The following SDHAF4 variants were observed in gnomAD, a reference collection of about 807,000 sequenced individuals.
SDHAF4 encodes the protein succinate dehydrogenase assembly factor 4, mitochondrial.
In SDHAF4, 14 loss-of-function variants were observed where a neutral mutation model predicts 14.3. The ratio of observed to expected loss-of-function variants is 0.98; its 90% CI spans 0.65 to 1.53. The LOEUF (loss-of-function observed/expected upper bound fraction) is 1.53. Among genes scored for constraint, SDHAF4 ranks in the 40% most tolerant of loss-of-function variants. SDHAF4 has a pLI of 0.00. For synonymous variants in SDHAF4, 63 were observed against 47.3 expected (o/e 1.33, Z -1.36); for missense variants, 141 against 129.3 (o/e 1.09, Z -0.44).
chr6:70,596,053 A>C, the SDHAF4 span, among the ~76,000 whole-genome samples: 3 of 152,188 alleles, frequency 2.0e-5, no homozygotes, highest in African/African-American at 7.2e-5. Context: ...TACAGTATCA[A>C]ATATATAGGT....
chr6:70,595,922 A>G, the SDHAF4 span, among the ~76,000 whole-genome samples: 10 of 152,138 alleles, frequency 6.6e-5, no homozygotes, highest in Admixed American at 5.2e-4. Context: ...TACACTAACT[A>G]TCATGATGTG....
intron 1 of SDHAF4, among the ~76,000 whole-genome samples, chr6:70,571,612 C>T (rs937034291): frequency 6.6e-6 from 1 of 152,196 alleles, no homozygotes; most frequent in Non-Finnish European, 1.5e-5. Context: ...CGCGCCCAGC[C>T]TTCCCTGGTT....
At chr6:70,577,930 C>T (rs1470080588) in intron 1 of SDHAF4, among the ~76,000 whole-genome samples, 1 of 152,172 alleles carries the variant, frequency 6.6e-6, no homozygotes, top group Non-Finnish European at 1.5e-5. Flanking sequence ...CATAGTATTC[C>T]ATGGTATATA....
chr6:70,594,514 A>G (rs916050744), downstream of SDHAF4, among the ~76,000 whole-genome samples: 11 of 152,208 alleles, frequency 7.2e-5, no homozygotes, highest in Non-Finnish European at 1.5e-4. Context: ...GTGATGCCTC[A>G]GGACTCTATA....
chr6:70,575,999 T>C (rs919567073), intron 1 of SDHAF4, among the ~76,000 whole-genome samples: 6 of 152,226 alleles, frequency 3.9e-5, no homozygotes, highest in Non-Finnish European at 8.8e-5. Flanking sequence ...ACAGTTACTA[T>C]TGCTCAACAC....
chr6:70,576,961 G>A (rs1470084362), intron 1 of SDHAF4, among the ~76,000 whole-genome samples: 1 of 152,180 alleles, frequency 6.6e-6, no homozygotes, highest in Non-Finnish European at 1.5e-5. Flanking sequence ...GAGTCTGGAA[G>A]GGGTCTCACT....
intron 1 of SDHAF4, among the ~76,000 whole-genome samples, chr6:70,577,347 T>C (rs112702166): frequency 3.2e-4 from 49 of 151,128 alleles, no homozygotes; most frequent in African/African-American, 1.1e-3. Context: ...CTAGAACTTG[T>C]ACTCAAATTG....
At chr6:70,576,229 A>C (rs1011068983) in intron 1 of SDHAF4, among the ~76,000 whole-genome samples, 4 of 152,236 alleles carry the variant, frequency 2.6e-5, no homozygotes, top group Non-Finnish European at 5.9e-5. Flanking sequence ...TACAGAAATG[A>C]GGGGCATTAT....
At chr6:70,568,973 T>G (rs1228969712) in intron 1 of SDHAF4, among the ~76,000 whole-genome samples, 1 of 141,726 alleles carries the variant, frequency 7.1e-6, no homozygotes, top group Admixed American at 7.0e-5. Flanking sequence ...TTTTTTTTTT[T>G]TTTTTTTTTT....
At chr6:70,589,808 T>C (rs943983975), downstream of SDHAF4, among the ~76,000 whole-genome samples, 4 of 152,174 alleles carry the variant, frequency 2.6e-5, no homozygotes, top group African/African-American at 9.7e-5. Context: ...TTGGAGATAA[T>C]AATACTTTTG....
chr6:70,597,299 AT>A, the SDHAF4 span, among the ~76,000 whole-genome samples: 341 of 108,076 alleles, frequency 3.2e-3, 3 homozygotes, highest in Middle Eastern at 0.011. Flanking sequence ...CGCCTGGCTA[AT>A]TTTTTTTTTT....
chr6:70,581,807 G>A (rs1312960047), intron 2 of SDHAF4, among the ~76,000 whole-genome samples: 1 of 152,034 alleles, frequency 6.6e-6, no homozygotes, highest in Non-Finnish European at 1.5e-5. Flanking sequence ...ATGAGGTCTT[G>A]CCATGTTACC....
chr6:70,589,901 G>A (rs1226520028), downstream of SDHAF4, among the ~76,000 whole-genome samples: 2 of 152,188 alleles, frequency 1.3e-5, no homozygotes, highest in Non-Finnish European at 2.9e-5. Flanking sequence ...ACCATCATGA[G>A]AAGAAATTCA....
Position 70,588,602 on chromosome 6 carries a change from T to C in SDHAF4, c.218-13T>C. On this transcript the variant is annotated splice_polypyrimidine_tract_variant and intron_variant, in intron 2 of 2. Coordinates refer to ENST00000370474, the MANE Select transcript of SDHAF4 (RefSeq NM_145267.3). ...CTCCATTAACTGCTTTATTTATATC[T>C]CGTTTTCCTTAGAATTTCCAGATGA... is the stretch of plus-strand genomic sequence containing the variant. The C allele has an allele frequency of 2.0e-6, 3 of 1,474,550 alleles. No homozygotes were observed. The South Asian group carries it at 3.6e-5, about 18-fold the overall frequency. The allele number at this position is 1,474,550 out of a possible 1,614,324, so 91.3% of individuals were successfully genotyped here.
chr6:70,569,185 C>T (rs113940408), intron 1 of SDHAF4, among the ~76,000 whole-genome samples: 3 of 151,116 alleles, frequency 2.0e-5, no homozygotes, highest in Non-Finnish European at 4.4e-5. Context: ...AGGATGGTCT[C>T]GATCTCCTGA....
At chr6:70,597,779 A>G in the SDHAF4 span, among the ~76,000 whole-genome samples, 821 of 152,266 alleles carry the variant, frequency 5.4e-3, 11 homozygotes, top group African/African-American at 0.014. Context: ...TTTGCCATAT[A>G]TAAGCCTCCA....
At chr6:70,591,103 T>C (rs186327649), downstream of SDHAF4, among the ~76,000 whole-genome samples, 20 of 152,206 alleles carry the variant, frequency 1.3e-4, no homozygotes, top group African/African-American at 4.8e-4. Context: ...GTCTACTGAG[T>C]TCACCAGTTC....
intron 1 of SDHAF4, among the ~76,000 whole-genome samples, chr6:70,575,032 C>T (rs551559793): frequency 3.0e-4 from 46 of 152,352 alleles, no homozygotes; most frequent in African/African-American, 1.1e-3. Flanking sequence ...GTTTAAGAGA[C>T]TGTCATCTCC....
chr6:70,571,013 GA>G (rs1027671577), intron 1 of SDHAF4, among the ~76,000 whole-genome samples: 14 of 148,588 alleles, frequency 9.4e-5, no homozygotes, highest in Admixed American at 2.7e-4. Context: ...CATGGAACAT[GA>G]AAAAAAAAAT....
Sources: gnomAD v4.1 joint callset for allele counts (sites outside exome capture counted in the v4.1 genomes callset) on GRCh38, gnomAD v4.1.1 for gene constraint, MANE v1.5 for transcripts, NCBI Gene and HGNC (gene_info 2026-07-23, HGNC 2026-07-21) for gene names.